Variants in NKPD1 observed in about 807,000 individuals in gnomAD.
NKPD1 encodes NTPase KAP family P-loop domain-containing protein 1.
In NKPD1, 37 loss-of-function variants were observed where a neutral mutation model predicts 42.2. The ratio of observed to expected loss-of-function variants is 0.88; its 90% CI spans 0.67 to 1.15. The LOEUF is 1.15. Ranked by LOEUF, NKPD1 falls within the 50% of genes most tolerant of loss-of-function variation. The pLI, the probability that NKPD1 is intolerant of heterozygous loss-of-function variation, is 0.00. For missense variants in NKPD1, 1,113 were observed against 1,174.6 expected, an observed-to-expected ratio of 0.95 and a Z score of 0.77; for synonymous variants, 552 against 536.5, an observed-to-expected ratio of 1.03 and a Z score of -0.40.
chr19:45,160,369 G>C (rs2122802477), intron 1 of NKPD1, among the ~76,000 whole-genome samples, 148 bp from the exon 2 acceptor site: 1 of 152,196 alleles, frequency 6.6e-6, no homozygotes, highest in East Asian at 1.9e-4. Flanking sequence ...GTGAGGGGCA[G>C]GATAAGGAGG....
intron 2 of NKPD1, among the ~76,000 whole-genome samples, chr19:45,159,710 C>T (rs924547181): frequency 3.9e-5 from 6 of 152,284 alleles, no homozygotes; most frequent in African/African-American, 1.4e-4. Flanking sequence ...TGGGCCCAGC[C>T]TCATCCAGAC....
Position 45,151,705 on chromosome 19 carries a change from C to T in NKPD1, c.*233G>A. ...GGGCTCTCAACACCTCCATTTATTG[C>T]ATGTATACCCTGACTTCCTCACTGG... On this transcript the variant is annotated 3_prime_UTR_variant, in exon 5 of 5. Transcript: ENST00000686631. The T allele has an allele frequency of 2.1e-6, 1 of 481,560 alleles. No individual in the cohort carries two copies. Among genetic ancestry groups the T allele is most frequent in the Non-Finnish European group, 3.6e-6 (1 of 275,558 alleles). The allele number at this position is 481,560 out of a possible 1,614,324, so 29.8% of individuals were successfully genotyped here.
In NKPD1 at chr19:45,152,039, C is replaced by A. The variant is rs761394386; in HGVS notation, c.2398G>T (p.Gly800Cys). 1.2e-6 allele frequency: 2 copies of A among 1,609,458 alleles called. No individual in the cohort carries two copies. The highest frequency in any genetic ancestry group is 1.7e-6 in the Non-Finnish European group (2 of 1,178,434). Residue 800 changes from glycine to cysteine, a missense_variant, in exon 5 of 5, where the codon GGC becomes TGC. Physicochemically the swap from Gly to Cys is radical, Grantham distance 159. Transcript: ENST00000686631. ...AAGTCCCCAGTGTGGTGGCCTTCGC[C>A]GGCTTGCCCTGAGGCACGGCCCGAC... is the stretch of plus-strand genomic sequence containing the variant. The part of the protein sequence containing the change: ...PPSGRASGQA[G>C]EGHHTGDLAH...
intron 2 of NKPD1, 41 bp from the exon 3 acceptor site, chr19:45,159,141 G>A (rs902979420): frequency 3.2e-6 from 4 of 1,246,482 alleles, no homozygotes; most frequent in East Asian, 6.0e-5. Context: ...CTGTGTCCCC[G>A]ACCCCCGGGG....
rs1203470803 is a variant in NKPD1 at position 45,155,025 on chromosome 19, A to T, written c.661+760T>A. ...GGGCGACAGAGTGAGACTCCATTTA[A>T]AAAAAAAAAAAAAAAAAAGGCCAGG... is the stretch of plus-strand genomic sequence containing the variant. On this transcript the variant is annotated intron_variant, in intron 4 of 4. Transcript: ENST00000686631. Among the ~76,000 whole-genome samples the T allele has an allele frequency of 1.1e-3, 15 of 13,758 alleles. No individual in the cohort carries two copies. The South Asian group carries it at 0.036, about 33-fold the overall frequency. The allele number at this position is 13,758 out of a possible 152,430, so 9.0% of individuals were successfully genotyped here.
chr19:45,154,604 A>T (rs1968866735), intron 4 of NKPD1, among the ~76,000 whole-genome samples: 1 of 152,172 alleles, frequency 6.6e-6, no homozygotes, highest in South Asian at 2.1e-4. Flanking sequence ...GACAGTCAGT[A>T]CAGGAAGGAA....
chr19:45,159,827 G>GCAGGC (rs1485361778), intron 2 of NKPD1, among the ~76,000 whole-genome samples: 1 of 152,214 alleles, frequency 6.6e-6, no homozygotes, highest in African/African-American at 2.4e-5. Context: ...ACGGGGCAGG[G>GCAGGC]CAGGCCAGGC....
intron 1 of NKPD1, among the ~76,000 whole-genome samples, chr19:45,160,702 A>T (rs1489645725): frequency 6.6e-6 from 1 of 151,940 alleles, no homozygotes; most frequent in East Asian, 1.9e-4. Context: ...GGGAATTGTG[A>T]GGGAGCAATG....
rs747186424 is a variant in NKPD1, at chr19:45,153,424, C to T, written c.1013G>A (p.Arg338His). 2 of 1,548,532 alleles carry T rather than the reference C, an allele frequency of 1.3e-6. No homozygotes were observed. The highest frequency in any genetic ancestry group is 1.7e-6 in the Non-Finnish European group (2 of 1,150,704). Reference protein sequence around the residue: ...DCCQSEWHCRRRVCLGLLALL... With the variant: ...DCCQSEWHCRHRVCLGLLALL... ...CGCCAGCAGCCCCAGGCACACGCGG[C>T]GCCGACAATGCCACTCGCTCTGGCA... Residue 338 changes from arginine (R) to histidine (H), a missense_variant, in exon 5 of 5, where the codon CGC (arginine) becomes CAC (histidine). Arg to His is a conservative substitution (Grantham distance 29, BLOSUM62 0). Coordinates refer to ENST00000686631, the MANE Select transcript of NKPD1 (RefSeq NM_198478.4).
At chr19:45,153,802 G>C in intron 4 of NKPD1, 27 bp from the exon 5 acceptor site, 1 of 1,422,970 alleles carries the variant, frequency 7.0e-7, no homozygotes, top group Non-Finnish European at 9.2e-7. Context: ...CGGGAGCCGC[G>C]TGAGCCGCAG....
upstream of NKPD1, among the ~76,000 whole-genome samples, chr19:45,161,032 C>T (rs1968995078): frequency 6.6e-6 from 1 of 152,190 alleles, no homozygotes; most frequent in South Asian, 2.1e-4. Context: ...CCAGTGCCCG[C>T]CTGACCGGTT....
rs911663157 is a variant in NKPD1, at chr19:45,158,888, G to C, written c.304C>G (p.Pro102Ala). The C allele has an allele frequency of 7.7e-7, 1 of 1,293,478 alleles. No homozygotes were observed. The highest frequency in any genetic ancestry group is 2.4e-5 in the Admixed American group (1 of 41,540). 80.1% of individuals were successfully genotyped at this position (1,293,478 alleles called of 1,614,324 possible). Residue 102 changes from proline to alanine, a missense_variant, in exon 3 of 5, where the codon CCC becomes GCC. This residue lies in a region of NKPD1 where 204 missense variants were observed against 227.8 expected (regional missense o/e 0.90). Transcript: ENST00000686631. This position sits in a 1 kb window ranked among gnomAD's most constrained non-coding sequence, Gnocchi z 4.6. ...AGCCCCTTCTGGGCTTCGTGAATGG[G>C]GCAGAGCCGCTGCCGCAGGGGGCTG... is the stretch of plus-strand genomic sequence containing the variant. ...PPSPLRQRLC[P>A]IHEAQKGLPA...
intron 4 of NKPD1, among the ~76,000 whole-genome samples, chr19:45,154,019 G>C (rs1376299139): frequency 6.6e-6 from 1 of 152,252 alleles, no homozygotes; most frequent in African/African-American, 2.4e-5. Context: ...GGTCGGGATG[G>C]GCAGAGGTAG....
chr19:45,161,598 G>A (rs1473146299), upstream of NKPD1, among the ~76,000 whole-genome samples: 1 of 152,202 alleles, frequency 6.6e-6, no homozygotes, highest in Non-Finnish European at 1.5e-5. Flanking sequence ...TCGGCCCCAG[G>A]GCACACAGAG....
chr19:45,157,010 C>T lies in NKPD1; in HGVS notation c.530-1094G>A, dbSNP rs537747588. Among the ~76,000 whole-genome samples, 46 of 152,360 alleles carry T rather than the reference C, an allele frequency of 3.0e-4. 1 individual carries two copies. The highest frequency in any genetic ancestry group is 1.1e-3 in the African/African-American group (44 of 41,584). On this transcript the variant is annotated intron_variant, in intron 3 of 4. Coordinates refer to ENST00000686631, the MANE Select transcript of NKPD1 (RefSeq NM_198478.4). ...AATAGACATCGTAGCCCTGAGGCTC[C>T]GGTGACAGGGCTGTGCCCGACCTAA...
intron 3 of NKPD1, among the ~76,000 whole-genome samples, chr19:45,157,555 G>C (rs1968926464): frequency 6.6e-6 from 1 of 151,952 alleles, no homozygotes; most frequent in Admixed American, 6.6e-5. Context: ...GGGACCACAG[G>C]CGTGCATCAC....
In NKPD1 at chr19:45,151,977, C is replaced by G. The variant is rs748286530; in HGVS notation, c.2460G>C (p.Ala820=). 1.3e-6 allele frequency: 2 copies of G among 1,599,660 alleles called. No individual in the cohort carries two copies. The highest frequency in any genetic ancestry group is 3.4e-5 in the Admixed American group (2 of 59,022). The change falls in exon 5 of 5, where the codon GCG becomes GCC. Residue 820 remains alanine (A), a synonymous_variant. Coordinates refer to ENST00000686631, the MANE Select transcript of NKPD1 (RefSeq NM_198478.4). ...GGCTGGATTGCCCTGGACGGAAGAG[C>G]GCACAGGCCACCGGCCATAGCTTGC... ...HRGKLWPVAC[A]LFRPGQSSPG...
chr19:45,154,151 G>C (rs956669643), intron 4 of NKPD1, among the ~76,000 whole-genome samples: 3 of 152,244 alleles, frequency 2.0e-5, no homozygotes, highest in African/African-American at 7.2e-5. Flanking sequence ...GAGTGGGGCA[G>C]GGGACAAGTG....
intron 3 of NKPD1, among the ~76,000 whole-genome samples, chr19:45,157,583 T>TTATA (rs1023015986): frequency 5.9e-5 from 9 of 152,104 alleles, no homozygotes; most frequent in African/African-American, 2.2e-4. Flanking sequence ...GGCTAATTTT[T>TTATA]TATTTTATCT....
Sources: allele counts gnomAD v4.1 joint callset (sites outside exome capture counted in the v4.1 genomes callset), GRCh38; gene constraint gnomAD v4.1.1; regional missense constraint gnomAD v4.1.1; non-coding constraint Gnocchi (gnomAD v3.1); transcripts MANE v1.5; gene names NCBI Gene and HGNC (gene_info 2026-07-23, HGNC 2026-07-21).